The following CCDC7 variants were observed in gnomAD, a reference collection of about 807,000 sequenced individuals.
CCDC7 encodes coiled-coil domain-containing protein 7.
CCDC7 carries 183 observed loss-of-function variants against 196.9 expected under a neutral mutation model. That is an observed-to-expected ratio of 0.93 (90% CI 0.82 to 1.05). CCDC7 has a LOEUF of 1.05. Ranked by LOEUF, CCDC7 falls within the 50% of genes least tolerant of loss-of-function variation. The probability of loss-of-function intolerance (pLI) is 0.00; values close to 1 mark genes in which losing one functional copy is unlikely to be tolerated. For missense variants in CCDC7, 1,540 were observed against 1,482.2 expected (o/e 1.04, Z -0.64); for synonymous variants, 525 against 484.6 (o/e 1.08, Z -1.10).
intron 12 of CCDC7, 127 bp from the exon 14 acceptor site, chr10:32,544,120 T>C: frequency 1.4e-6 from 1 of 724,680 alleles, no homozygotes; most frequent in Non-Finnish European, 2.1e-6. Context: ...TTATGTCTCT[T>C]AGAAATATGA....
intron 21 of CCDC7, among the ~76,000 whole-genome samples, chr10:32,671,304 T>C (rs2074016713): frequency 6.6e-6 from 1 of 152,186 alleles, no homozygotes; most frequent in Non-Finnish European, 1.5e-5. Flanking sequence ...ATTTTCCTGT[T>C]TAGATATACA....
intron 40 of CCDC7, 70 bp downstream of exon 41, chr10:32,852,002 A>G (rs1471109037): frequency 6.9e-7 from 1 of 1,452,692 alleles, no homozygotes; most frequent in Non-Finnish European, 9.2e-7. Context: ...TAAATAACCA[A>G]GTTGTAATAG....
intron 28 of CCDC7, among the ~76,000 whole-genome samples, chr10:32,755,808 C>A (rs893004948): frequency 6.6e-6 from 1 of 152,114 alleles, no homozygotes; most frequent in African/African-American, 2.4e-5. Flanking sequence ...ACAAATTTCT[C>A]CGAGTCAAAG....
At chr10:32,876,312 CTTT>C in intron 41 of CCDC7, 32 bp from the exon 43 acceptor site, 7 of 1,561,294 alleles carry the variant, frequency 4.5e-6, no homozygotes, top group African/African-American at 1.4e-5. Context: ...TAAAATTAAA[CTTT>C]TTTTCAATTA....
Position 32,584,324 on chromosome 10 carries a change from G to A in CCDC7, c.1801+20G>A, listed in dbSNP as rs1030001275. ...CTCAAGGTAAAAAGACTCTGTTTTG[G>A]AAGATGAAAATGTGATTGAATGATT... On this transcript the variant is annotated intron_variant, in intron 18 of 41. Transcript: ENST00000639629. The A allele has an allele frequency of 2.7e-6, 4 of 1,503,592 alleles. No homozygotes were observed. The highest frequency in any genetic ancestry group is 3.7e-6 in the Non-Finnish European group (4 of 1,090,428). 93.1% of individuals were successfully genotyped at this position (1,503,592 alleles called of 1,614,324 possible). A position where few individuals can be genotyped will look rare whatever the true frequency, so the allele number is the denominator to read the frequency against.
intron 20 of CCDC7, among the ~76,000 whole-genome samples, chr10:32,654,581 A>T (rs1577371): frequency 0.014 from 2,185 of 152,262 alleles, 63 homozygotes; most frequent in African/African-American, 0.05. Context: ...CTTAGTGATC[A>T]GCTAATGACT....
At chr10:32,623,809 T>C (rs1278591217) in intron 18 of CCDC7, 2 of 470,078 alleles carry the variant, frequency 4.3e-6, no homozygotes, top group Admixed American at 2.4e-5. Context: ...GGAGCAGATA[T>C]GTCACACGGT....
upstream of CCDC7, among the ~76,000 whole-genome samples, chr10:32,449,031 A>T (rs1323540394): frequency 6.6e-6 from 1 of 151,816 alleles, no homozygotes; most frequent in Non-Finnish European, 1.5e-5. Flanking sequence ...TTTATCTGTT[A>T]TATTTTTCAT....
chr10:32,677,812 T>C (rs1260227710), intron 21 of CCDC7, among the ~76,000 whole-genome samples: 1 of 152,158 alleles, frequency 6.6e-6, no homozygotes, highest in East Asian at 1.9e-4. Flanking sequence ...ATTTTCCCTC[T>C]CTTTCTTCTT....
intron 18 of CCDC7, among the ~76,000 whole-genome samples, chr10:32,619,910 CTTTTTTTTTTTTTT>C (rs56089046): frequency 1.1e-4 from 9 of 79,256 alleles, no homozygotes; most frequent in African/African-American, 5.9e-4. Context: ...TTCAATGTAC[CTTTTTTTTTTTTTT>C]TTTTTTTTTT....
intron 41 of CCDC7, among the ~76,000 whole-genome samples, chr10:32,859,588 G>C (rs914733358): frequency 2.7e-5 from 4 of 150,666 alleles, no homozygotes; most frequent in African/African-American, 9.7e-5. Flanking sequence ...CTGAAGGAGA[G>C]ACACAAAAAA....
chr10:32,709,670 C>G (rs905948980), intron 24 of CCDC7, among the ~76,000 whole-genome samples: 2 of 152,054 alleles, frequency 1.3e-5, no homozygotes, highest in Non-Finnish European at 2.9e-5. Context: ...CCACTGCTCA[C>G]CTACTGCTGT....
chr10:32,752,148 A>G (rs1050786253), intron 28 of CCDC7, among the ~76,000 whole-genome samples: 10 of 152,146 alleles, frequency 6.6e-5, no homozygotes, highest in African/African-American at 2.4e-4. Flanking sequence ...AGTTTATTCA[A>G]AAGCCAGTGT....
intron 8 of CCDC7, among the ~76,000 whole-genome samples, chr10:32,489,274 A>G (rs2041788048): frequency 6.6e-6 from 1 of 152,122 alleles, no homozygotes; most frequent in South Asian, 2.1e-4. Flanking sequence ...GGACTGTGAT[A>G]TGGATATCCC....
intron 28 of CCDC7, among the ~76,000 whole-genome samples, chr10:32,768,737 C>T (rs998447822): frequency 1.3e-5 from 2 of 152,070 alleles, no homozygotes; most frequent in African/African-American, 4.8e-5. Context: ...AAATGCTGAA[C>T]TTTATCAAAT....
At chr10:32,690,783 A>G (rs142913820) in intron 23 of CCDC7, among the ~76,000 whole-genome samples, 3 of 152,202 alleles carry the variant, frequency 2.0e-5, no homozygotes, top group East Asian at 1.9e-4. Context: ...CTCAGTTTCC[A>G]TCAGGGACTG....
Position 32,846,430 on chromosome 10 carries a change from CAA to C in CCDC7, c.3660_3661del (p.Ile1221GlnfsTer11), listed in dbSNP as rs1304233627. The C allele has an allele frequency of 2.3e-5, 36 of 1,597,310 alleles. No individual in the cohort carries two copies. The highest frequency in any genetic ancestry group is 2.9e-5 in the Non-Finnish European group (34 of 1,167,810). On this transcript the variant is annotated frameshift_variant, in exon 37 of 42. Coordinates refer to ENST00000639629, the Ensembl canonical transcript of CCDC7. LOFTEE classifies it high-confidence loss of function. ...ATTGGAAGAGATATAATAAAGGGAC[CAA>C]TCAGTGCACAATTAAAGAGTCACCA...
chr10:32,609,303 A>G (rs1045056601), intron 18 of CCDC7, among the ~76,000 whole-genome samples: 2 of 152,208 alleles, frequency 1.3e-5, no homozygotes, highest in East Asian at 1.9e-4. Flanking sequence ...TTGTTTGCAT[A>G]TATATTTAGA....
At chr10:32,830,941 C>A (rs2092100928) in intron 32 of CCDC7, among the ~76,000 whole-genome samples, 1 of 152,106 alleles carries the variant, frequency 6.6e-6, no homozygotes, top group Non-Finnish European at 1.5e-5. Context: ...AAAGTGAAAA[C>A]CTTGAAGTAG....
Sources: gnomAD v4.1 joint callset for allele counts (sites outside exome capture counted in the v4.1 genomes callset) on GRCh38, gnomAD v4.1.1 for gene constraint, MANE v1.5 for transcripts, NCBI Gene and HGNC (gene_info 2026-07-23, HGNC 2026-07-21) for gene names.